The following SPATA6 variants were observed in gnomAD, a reference collection of about 807,000 sequenced individuals.
The protein encoded by SPATA6 is spermatogenesis associated 6.
In SPATA6, 56 loss-of-function variants were observed where a neutral mutation model predicts 65.3. That is an observed-to-expected ratio of 0.86 (90% CI 0.69 to 1.07). The LOEUF is 1.07. SPATA6 is among the 50% of genes least tolerant of loss of function. SPATA6 has a pLI of 0.00. For synonymous variants in SPATA6, 199 were observed against 213.2 expected, an observed-to-expected ratio of 0.93 and a Z score of 0.58; for missense variants, 590 against 594.8, an observed-to-expected ratio of 0.99 and a Z score of 0.08.
At chr1:48,423,034 C>A (rs1380129909) in intron 3 of SPATA6, among the ~76,000 whole-genome samples, 3 of 152,086 alleles carry the variant, frequency 2.0e-5, no homozygotes, top group African/African-American at 7.2e-5. Context: ...TGGGACATAA[C>A]AACATAGATA....
chr1:48,356,156 A>G (rs2148808648), intron 10 of SPATA6, among the ~76,000 whole-genome samples: 1 of 152,290 alleles, frequency 6.6e-6, no homozygotes, highest in East Asian at 1.9e-4. Context: ...ATTTTTTCAG[A>G]ATACAGAGCA....
chr1:48,325,453 T>G (rs1645728954), intron 11 of SPATA6: 4 of 1,230,686 alleles, frequency 3.3e-6, no homozygotes, highest in Non-Finnish European at 4.8e-6. Context: ...GTTTGCACTA[T>G]GTTCCTGAAT....
intron 3 of SPATA6, among the ~76,000 whole-genome samples, chr1:48,449,026 G>A (rs1656324064): frequency 6.6e-6 from 1 of 152,052 alleles, no homozygotes. Context: ...TGAATTTTAT[G>A]ATATATAAAT....
chr1:48,405,560 T>C (rs1651622901), intron 5 of SPATA6, among the ~76,000 whole-genome samples: 1 of 152,200 alleles, frequency 6.6e-6, no homozygotes, highest in South Asian at 2.1e-4. Context: ...AGTTCCTTTC[T>C]AGCTTTTGGC....
intron 3 of SPATA6, among the ~76,000 whole-genome samples, chr1:48,434,974 T>C (rs1654759025): frequency 6.6e-6 from 1 of 150,882 alleles, no homozygotes; most frequent in South Asian, 2.1e-4. Flanking sequence ...ATTGTATTAA[T>C]TTATGTAATA....
At chr1:48,299,360 C>G (rs1299976832) in intron 12 of SPATA6, among the ~76,000 whole-genome samples, 1 of 150,954 alleles carries the variant, frequency 6.6e-6, no homozygotes. Context: ...CTAAAAAATA[C>G]AAAATTAGCT....
At chr1:48,378,647 G>A (rs979344582) in intron 9 of SPATA6, among the ~76,000 whole-genome samples, 2 of 152,174 alleles carry the variant, frequency 1.3e-5, no homozygotes, top group South Asian at 2.1e-4. Flanking sequence ...GATCTCATGA[G>A]ACTTATTCAC....
chr1:48,435,539 A>T (rs1890322), intron 3 of SPATA6, among the ~76,000 whole-genome samples: 394 of 151,892 alleles, frequency 2.6e-3, no homozygotes, highest in South Asian at 4.0e-3. Context: ...CATTGTAAAC[A>T]CACCAATCAG....
chr1:48,319,819 A>G (rs948344644), intron 11 of SPATA6, among the ~76,000 whole-genome samples: 2 of 152,134 alleles, frequency 1.3e-5, no homozygotes, highest in African/African-American at 2.4e-5. Flanking sequence ...GTGATCCCTG[A>G]GCATCCCGGT....
chr1:48,417,137 C>G (rs561699507), intron 3 of SPATA6, among the ~76,000 whole-genome samples: 89 of 152,130 alleles, frequency 5.9e-4, no homozygotes, highest in Non-Finnish European at 1.2e-3. Context: ...GATTTAACAA[C>G]AAGAAAAGAG....
intron 3 of SPATA6, among the ~76,000 whole-genome samples, chr1:48,416,415 AAAAAG>A (rs1223717022): frequency 1.2e-4 from 18 of 152,222 alleles, no homozygotes; most frequent in African/African-American, 3.9e-4. Context: ...AAATTCCTAC[AAAAAG>A]AAAACATTTA....
chr1:48,355,646 C>CA (rs147569864), intron 11 of SPATA6, 24 bp downstream of exon 11: 127,455 of 1,550,852 alleles, frequency 0.082, 4,750 homozygotes, highest in Middle Eastern at 0.12. Flanking sequence ...AAATAGTCTT[C>CA]AAAAAAAAAT....
chr1:48,353,198 A>C (rs1397478025), intron 11 of SPATA6, among the ~76,000 whole-genome samples: 3 of 151,962 alleles, frequency 2.0e-5, no homozygotes, highest in Non-Finnish European at 4.4e-5. Context: ...GATGCCTGAT[A>C]ATAGATAAGC....
Position 48,411,549 on chromosome 1 carries a change from T to A in SPATA6, c.320A>T (p.Asp107Val), listed in dbSNP as rs1440770318. Residue 107 changes from aspartate (D) to valine (V), a missense_variant, in exon 5 of 13, where the codon GAT (aspartate) becomes GTT (valine). Physicochemically the swap from Asp to Val is radical, Grantham distance 152 (BLOSUM62 -3). Coordinates refer to ENST00000371847, the MANE Select transcript of SPATA6 (RefSeq NM_019073.4). ...TLSTYDENTR[D>V]FMFPGPNQMS... ...TTGGTTTGGACCCGGAAACATGAAA[T>A]CTCGTGTATTTTCGTCATACGTAGA... The A allele has an allele frequency of 1.9e-6, 3 of 1,610,012 alleles. No homozygotes were observed. Among genetic ancestry groups the A allele is most frequent in the Non-Finnish European group, 2.5e-6 (3 of 1,178,102 alleles).
chr1:48,326,713 A>G (rs1052147879), intron 11 of SPATA6, among the ~76,000 whole-genome samples: 18 of 152,242 alleles, frequency 1.2e-4, no homozygotes, highest in African/African-American at 4.3e-4. Context: ...AAAGCCACAT[A>G]CCCACAATTA....
the SPATA6 span, among the ~76,000 whole-genome samples, chr1:48,284,904 G>T: frequency 2.6e-5 from 4 of 152,248 alleles, no homozygotes; most frequent in Middle Eastern, 6.8e-3. Context: ...GGAGACACGG[G>T]GCTCAGGACC....
intron 9 of SPATA6, among the ~76,000 whole-genome samples, chr1:48,364,877 CCCATGT>C (rs1191495587): frequency 6.6e-6 from 1 of 152,130 alleles, no homozygotes; most frequent in African/African-American, 2.4e-5. Context: ...CTTGCCCATG[CCCATGT>C]CCTGAATGGT....
intron 11 of SPATA6, among the ~76,000 whole-genome samples, chr1:48,338,491 T>C (rs1442233437): frequency 6.6e-6 from 1 of 152,096 alleles, no homozygotes. Context: ...GCACAGGCCC[T>C]GAAAACACAA....
At chr1:48,292,770 G>A (rs1644776742), downstream of SPATA6, among the ~76,000 whole-genome samples, 1 of 152,248 alleles carries the variant, frequency 6.6e-6, no homozygotes, top group Non-Finnish European at 1.5e-5. Flanking sequence ...AGGGCCAGTT[G>A]TGTGCATGCA....
Sources: allele counts gnomAD v4.1 joint callset (sites outside exome capture counted in the v4.1 genomes callset), GRCh38; gene constraint gnomAD v4.1.1; transcripts MANE v1.5; gene names NCBI Gene and HGNC (gene_info 2026-07-23, HGNC 2026-07-21).